HELZ: variants seen among roughly 807,000 people sequenced by gnomAD.
HELZ encodes the protein helicase with zinc finger.
HELZ carries 23 observed loss-of-function variants against 218.2 expected under a neutral mutation model. That is an observed-to-expected ratio of 0.11 (90% confidence interval 0.08 to 0.15). The LOEUF (loss-of-function observed/expected upper bound fraction) is 0.15. Ranked by LOEUF, HELZ falls within the 10% of genes least tolerant of loss-of-function variation. HELZ has a pLI of 1.00. For synonymous variants in HELZ, 814 were observed against 829.4 expected, an observed-to-expected ratio of 0.98 and a Z score of 0.32; for missense variants, 1,813 against 2,353.7, an observed-to-expected ratio of 0.77 and a Z score of 4.75.
intron 15 of HELZ, among the ~76,000 whole-genome samples, chr17:67,162,261 T>C (rs1465103717): frequency 6.6e-6 from 1 of 152,130 alleles, no homozygotes; most frequent in African/African-American, 2.4e-5. Flanking sequence ...ACAATATATA[T>C]ATAACTGTTA....
chr17:67,097,715 A>G (rs925502232), intron 31 of HELZ, among the ~76,000 whole-genome samples: 6 of 152,218 alleles, frequency 3.9e-5, no homozygotes, highest in Non-Finnish European at 7.3e-5. Flanking sequence ...GAAACAGTGA[A>G]TTAACAATTA....
intron 11 of HELZ, among the ~76,000 whole-genome samples, chr17:67,189,343 C>T (rs912808482): frequency 2.6e-5 from 4 of 151,136 alleles, no homozygotes; most frequent in Non-Finnish European, 5.9e-5. Context: ...TCAAAGATCT[C>T]TTTACCAAAT....
At chr17:67,231,681 A>G (rs2041041193) in intron 3 of HELZ, among the ~76,000 whole-genome samples, 2 of 152,118 alleles carry the variant, frequency 1.3e-5, no homozygotes, top group Non-Finnish European at 2.9e-5. Context: ...ACAATGGGGA[A>G]AACTGGGTAA....
At chr17:67,140,470 T>G (rs1012534150) in intron 21 of HELZ, among the ~76,000 whole-genome samples, 2 of 152,156 alleles carry the variant, frequency 1.3e-5, no homozygotes, top group Non-Finnish European at 2.9e-5. Context: ...AGGAGTCAAT[T>G]GTAGATTTGA....
chr17:67,188,764 G>T lies in HELZ; in HGVS notation c.865-148C>A. On this transcript the variant is annotated intron_variant, in intron 11 of 32. Transcript: ENST00000358691. The surrounding 1 kb of genome is among the most constrained non-coding windows in gnomAD (Gnocchi z 4.1). ...AGCCATTTAAGAAAAAAATCAGAAT[G>T]GTTTTTTAAAATCAGTTGTTAAAAT... 9 of 612,066 alleles carry T rather than the reference G, an allele frequency of 1.5e-5. No individual in the cohort carries two copies. The highest frequency in any genetic ancestry group is 3.2e-5 in the Admixed American group (1 of 31,684). The allele number at this position is 612,066 out of a possible 1,614,324, so 37.9% of individuals were successfully genotyped here. A position where few individuals can be genotyped will look rare whatever the true frequency, so the allele number is the denominator to read the frequency against.
At chr17:67,139,245 T>A (rs1355254441) in intron 21 of HELZ, among the ~76,000 whole-genome samples, 1 of 152,198 alleles carries the variant, frequency 6.6e-6, no homozygotes, top group Middle Eastern at 3.2e-3. Context: ...ATCGTTATTA[T>A]GATACAGCAG....
At chr17:67,224,790 C>A in intron 3 of HELZ, 2 of 1,179,464 alleles carry the variant, frequency 1.7e-6, no homozygotes, top group Non-Finnish European at 2.5e-6. Context: ...ACCAACCCCA[C>A]AAAACGACAC....
chr17:67,140,331 C>T (rs906823777), intron 21 of HELZ, among the ~76,000 whole-genome samples: 1 of 152,266 alleles, frequency 6.6e-6, no homozygotes, highest in Admixed American at 6.5e-5. Flanking sequence ...AGACGGTGAG[C>T]GGAAGGCTCA....
At chr17:67,135,335 A>G (rs916631758) in intron 23 of HELZ, among the ~76,000 whole-genome samples, 12 of 152,236 alleles carry the variant, frequency 7.9e-5, no homozygotes, top group African/African-American at 2.7e-4. Flanking sequence ...TGAAAAAGTG[A>G]GGCACTAAGG....
intron 3 of HELZ, among the ~76,000 whole-genome samples, chr17:67,222,436 G>C (rs2040771636): frequency 6.6e-6 from 1 of 152,200 alleles, no homozygotes; most frequent in Non-Finnish European, 1.5e-5. Flanking sequence ...ACATTAATAT[G>C]TAAGTAGAGA....
chr17:67,099,307 T>C (rs932621824), intron 31 of HELZ, among the ~76,000 whole-genome samples: 5 of 152,214 alleles, frequency 3.3e-5, no homozygotes, highest in South Asian at 4.1e-4. Flanking sequence ...GATGCTCAGG[T>C]TTAATTTTAG....
intron 21 of HELZ, among the ~76,000 whole-genome samples, chr17:67,145,313 A>G (rs754622951): frequency 6.6e-6 from 1 of 152,230 alleles, no homozygotes; most frequent in Admixed American, 6.5e-5. Context: ...GTTGGAGCAC[A>G]TCATGGAATT....
intron 20 of HELZ, among the ~76,000 whole-genome samples, chr17:67,148,082 GGA>G (rs1185175407): frequency 6.6e-6 from 1 of 152,218 alleles, no homozygotes; most frequent in Non-Finnish European, 1.5e-5. Flanking sequence ...GAGGGTCGCA[GGA>G]CCCTCAACTT....
At chr17:67,200,907 G>C (rs2040151513) in intron 7 of HELZ, 1 of 517,732 alleles carries the variant, frequency 1.9e-6, no homozygotes, top group Non-Finnish European at 3.5e-6. Context: ...AGGGACAGAA[G>C]ATAAGCCCTG....
chr17:67,102,867 C>T (rs2036972915), intron 31 of HELZ, among the ~76,000 whole-genome samples: 1 of 152,108 alleles, frequency 6.6e-6, no homozygotes, highest in South Asian at 2.1e-4. Context: ...AACCCACTGA[C>T]AATGAAAGGT....
rs201970161 is a variant in HELZ, at chr17:67,128,823, T to C, written c.3215A>G (p.His1072Arg). Residue 1072 changes from histidine (H) to arginine (R), a missense_variant, in exon 24 of 33, where the codon CAT (histidine) becomes CGT (arginine). This residue lies in a region of HELZ where 156 missense variants were observed against 274.4 expected (regional missense o/e 0.57). Transcript: ENST00000358691. ...KFWERFIALC[H>R]ENSSLHGITF... ...GATTCCATGTAGGCTACTGTTTTCA[T>C]GACACAGGGCAATAAACCGTTCCCA... The C allele has an allele frequency of 1.2e-6, 2 of 1,614,156 alleles. No individual in the cohort carries two copies. Among genetic ancestry groups the C allele is most frequent in the East Asian group, 2.2e-5 (1 of 44,878 alleles).
At chr17:67,167,279 T>A (rs1171448724) in intron 14 of HELZ, among the ~76,000 whole-genome samples, 184 bp downstream of exon 14, 2 of 152,212 alleles carry the variant, frequency 1.3e-5, no homozygotes, top group Non-Finnish European at 2.9e-5. Context: ...TAAATGTTAC[T>A]TATATTTAAA....
chr17:67,224,571 TTAA>T (rs1294426453), intron 3 of HELZ: 4 of 449,474 alleles, frequency 8.9e-6, no homozygotes, highest in East Asian at 4.9e-5. Flanking sequence ...TACACGATTA[TTAA>T]TAACAATGAT....
intron 31 of HELZ, among the ~76,000 whole-genome samples, chr17:67,099,414 A>G (rs1367155139): frequency 6.6e-6 from 1 of 151,930 alleles, no homozygotes; most frequent in African/African-American, 2.4e-5. Context: ...TTCAGTATCA[A>G]CTCCATATAT....
Sources: gnomAD v4.1 joint callset for allele counts (sites outside exome capture counted in the v4.1 genomes callset) on GRCh38, gnomAD v4.1.1 for gene constraint, gnomAD v4.1.1 regional missense constraint, Gnocchi (gnomAD v3.1) non-coding constraint, MANE v1.5 for transcripts, NCBI Gene and HGNC (gene_info 2026-07-23, HGNC 2026-07-21) for gene names.